LRRC63: variants seen among roughly 807,000 people sequenced by gnomAD.
LRRC63 encodes the protein leucine rich repeat containing 63.
LRRC63 carries 40 observed loss-of-function variants against 49.5 expected under a neutral mutation model. The ratio of observed to expected loss-of-function variants is 0.81; its 90% CI spans 0.63 to 1.05. The LOEUF (loss-of-function observed/expected upper bound fraction) is 1.05. LRRC63 is among the 50% of genes least tolerant of loss of function. The pLI is 0.00. For synonymous variants in LRRC63, 191 were observed against 221.1 expected (o/e 0.86, Z 1.21); for missense variants, 636 against 663.1 (o/e 0.96, Z 0.45).
intron 7 of LRRC63, among the ~76,000 whole-genome samples, chr13:46,260,128 T>C (rs1160461644): frequency 2.0e-5 from 3 of 152,182 alleles, no homozygotes; most frequent in Non-Finnish European, 4.4e-5. Context: ...TCCTCAGTGC[T>C]GCCTACACCT....
In LRRC63 at chr13:46,270,264, T is replaced by C. The variant is rs1297214282; in HGVS notation, c.1550+3292T>C. On this transcript the variant is annotated intron_variant, in intron 9 of 9. Coordinates refer to ENST00000595396, the Ensembl canonical transcript of LRRC63. ...CCAGTTCTTCAGAGTGGAAAAACAATTAAAAGCATTCCCTGTCAGATCAGT... is the reference window on the plus strand; with the variant it reads ...CCAGTTCTTCAGAGTGGAAAAACAACTAAAAGCATTCCCTGTCAGATCAGT... The C allele has an allele frequency of 2.0e-5, 18 of 884,284 alleles. No individual in the cohort carries two copies. The East Asian group carries it at 4.1e-4, about 20-fold the overall frequency. 54.8% of individuals were successfully genotyped at this position (884,284 alleles called of 1,614,324 possible).
At chr13:46,267,163 C>G (rs2047695315) in intron 9 of LRRC63, among the ~76,000 whole-genome samples, 191 bp downstream of exon 9, 1 of 152,194 alleles carries the variant, frequency 6.6e-6, no homozygotes, top group Non-Finnish European at 1.5e-5. Context: ...AATCCGGCCC[C>G]CTTGTGTGAT....
intron 9 of LRRC63, chr13:46,270,409 A>C (rs1274018479): frequency 2.5e-6 from 2 of 812,958 alleles, no homozygotes; most frequent in Admixed American, 1.7e-5. Flanking sequence ...AATATACTGT[A>C]TCTAGTTGTG....
chr13:46,234,124 C>A, intron 4 of LRRC63, 68 bp from the exon 5 acceptor site: 2 of 1,365,580 alleles, frequency 1.5e-6, no homozygotes, highest in Non-Finnish European at 2.0e-6. Flanking sequence ...AAGATAAATA[C>A]CTCTTAACTT....
chr13:46,240,214 T>C (rs9595437), intron 5 of LRRC63, among the ~76,000 whole-genome samples: 29,006 of 150,644 alleles, frequency 0.19, 4,350 homozygotes, highest in African/African-American at 0.42. Flanking sequence ...GCAAGCTCTG[T>C]CTCCCAGGTT....
At chr13:46,258,179 G>C (rs570080038) in intron 7 of LRRC63, among the ~76,000 whole-genome samples, 20 of 146,288 alleles carry the variant, frequency 1.4e-4, no homozygotes, top group Admixed American at 1.1e-3. Context: ...GCCCAGGCTG[G>C]AGTGCAATGG....
intron 6 of LRRC63, 137 bp from the exon 7 acceptor site, chr13:46,250,218 A>T (rs1030439371): frequency 5.6e-6 from 4 of 713,332 alleles, no homozygotes; most frequent in Non-Finnish European, 8.9e-6. Flanking sequence ...GAGGGTGTTT[A>T]CTGAGTTACA....
intron 5 of LRRC63, among the ~76,000 whole-genome samples, chr13:46,243,184 A>G (rs963027393): frequency 1.3e-5 from 2 of 152,220 alleles, no homozygotes; most frequent in African/African-American, 2.4e-5. Flanking sequence ...AGAAGGTGCT[A>G]TTAAAGTGTG....
At chr13:46,271,905 G>A (rs1429097617) in intron 9 of LRRC63, among the ~76,000 whole-genome samples, 1 of 151,552 alleles carries the variant, frequency 6.6e-6, no homozygotes, top group African/African-American at 2.4e-5. Flanking sequence ...TTATAAATTA[G>A]GCACAGTAAG....
intron 9 of LRRC63, among the ~76,000 whole-genome samples, chr13:46,273,040 A>C (rs2047781537): frequency 6.6e-6 from 1 of 152,190 alleles, no homozygotes; most frequent in Non-Finnish European, 1.5e-5. Context: ...ATTGTTTGGA[A>C]ATTTTACAAG....
At chr13:46,251,658 C>A (rs1248911783) in intron 7 of LRRC63, among the ~76,000 whole-genome samples, 1 of 151,754 alleles carries the variant, frequency 6.6e-6, no homozygotes, top group Non-Finnish European at 1.5e-5. Flanking sequence ...TATACTAACC[C>A]ATGTGTACAC....
rs1242026494 is a variant in LRRC63 at position 46,227,993 on chromosome 13, T to C, written c.567T>C (p.Tyr189=). ...TACCAGAGAGTCCAGGCTATACTTA[T>C]CAGCACATCTCGAGAGACTTAAGTG... is the stretch of plus-strand genomic sequence containing the variant. The change falls in exon 3 of 10, where the codon TAT becomes TAC. Residue 189 remains tyrosine, a synonymous_variant. Transcript: ENST00000595396. 6 of 1,551,092 alleles carry C rather than the reference T, an allele frequency of 3.9e-6. No homozygotes were observed. The East Asian group carries it at 7.3e-5, about 19-fold the overall frequency.
intron 2 of LRRC63, among the ~76,000 whole-genome samples, chr13:46,221,459 GAATT>G (rs1434410348): frequency 6.6e-6 from 1 of 152,162 alleles, no homozygotes; most frequent in Non-Finnish European, 1.5e-5. Flanking sequence ...TAAGAAATCT[GAATT>G]AATACCGATT....
intron 4 of LRRC63, 130 bp from the exon 5 acceptor site, chr13:46,234,062 C>A: frequency 1.3e-6 from 1 of 778,944 alleles, no homozygotes; most frequent in Non-Finnish European, 1.9e-6. Flanking sequence ...ATGGGGAATC[C>A]CTGCCAGAGG....
intron 5 of LRRC63, among the ~76,000 whole-genome samples, chr13:46,240,514 T>A (rs1367743659): frequency 3.9e-5 from 6 of 151,962 alleles, no homozygotes. Context: ...AGAAAGAACA[T>A]CCAAATAGGA....
intron 5 of LRRC63, among the ~76,000 whole-genome samples, chr13:46,238,633 T>C (rs773628130): frequency 2.0e-5 from 3 of 152,166 alleles, no homozygotes; most frequent in African/African-American, 7.2e-5. Context: ...ATGTGACTTA[T>C]TCACTTTCAG....
chr13:46,271,273 G>T (rs543692096), intron 9 of LRRC63, among the ~76,000 whole-genome samples: 1 of 152,206 alleles, frequency 6.6e-6, no homozygotes, highest in African/African-American at 2.4e-5. Context: ...TATGGTTATT[G>T]CTTTTGCCTC....
rs1159617402 is a variant in LRRC63, at chr13:46,227,853, G to GA, written c.433dup (p.Arg145LysfsTer16). ...TAAAACTATGAAAGATGTTTATACT[G>GA]AAAAAAGGCTAGAAAACATTTTAAT... On this transcript the variant is annotated frameshift_variant, in exon 3 of 10. Coordinates refer to ENST00000595396, the Ensembl canonical transcript of LRRC63. LOFTEE classifies it high-confidence loss of function. The GA allele has an allele frequency of 3.2e-6, 5 of 1,549,962 alleles. No homozygotes were observed. The African/African-American group carries it at 5.5e-5, about 17-fold the overall frequency.
chr13:46,252,653 G>A lies in LRRC63; in HGVS notation c.1226+2162G>A, dbSNP rs1241068828. Among the ~76,000 whole-genome samples the A allele has an allele frequency of 3.3e-5, 5 of 152,194 alleles. No homozygotes were observed. The East Asian group carries it at 9.7e-4, about 29-fold the overall frequency. On this transcript the variant is annotated intron_variant, in intron 7 of 9. Transcript: ENST00000595396. ...GAGAGTTGGTTCCCTGGAAGATGTAGTATTTGATCCAAAGTTGACTGAGTG... is the reference window on the plus strand; with the variant it reads ...GAGAGTTGGTTCCCTGGAAGATGTAATATTTGATCCAAAGTTGACTGAGTG...
Sources: gnomAD v4.1 joint callset for allele counts (sites outside exome capture counted in the v4.1 genomes callset) on GRCh38, gnomAD v4.1.1 for gene constraint, MANE v1.5 for transcripts, NCBI Gene and HGNC (gene_info 2026-07-23, HGNC 2026-07-21) for gene names.